The following KIAA1217 variants were observed in gnomAD, a reference collection of about 807,000 sequenced individuals.
The protein encoded by KIAA1217 is sickle tail protein homolog.
A neutral mutation model predicts 163.9 loss-of-function variants in KIAA1217; 88 were observed. The ratio of observed to expected loss-of-function variants is 0.54; its 90% CI spans 0.45 to 0.64. The LOEUF (loss-of-function observed/expected upper bound fraction) is 0.64. Ranked by LOEUF, KIAA1217 falls within the 30% of genes least tolerant of loss-of-function variation. The probability of loss-of-function intolerance (pLI) is 0.00; values close to 1 mark genes in which losing one functional copy is unlikely to be tolerated. For missense variants in KIAA1217, 2,372 were observed against 2,475.0 expected, an observed-to-expected ratio of 0.96 and a Z score of 0.88; for synonymous variants, 903 against 923.1, an observed-to-expected ratio of 0.98 and a Z score of 0.39.
At chr10:24,355,728 C>G (rs1305819487) in intron 2 of KIAA1217, among the ~76,000 whole-genome samples, 2 of 32,170 alleles carry the variant, frequency 6.2e-5, no homozygotes, top group African/African-American at 1.7e-4. Context: ...AGTCCTCACT[C>G]TTTTTTTTTT....
chr10:24,385,405 A>T (rs1347120736), intron 3 of KIAA1217, among the ~76,000 whole-genome samples: 1 of 152,180 alleles, frequency 6.6e-6, no homozygotes, highest in African/African-American at 2.4e-5. Flanking sequence ...CCCGTCTTAG[A>T]CATCACTGGT....
intron 1 of KIAA1217, among the ~76,000 whole-genome samples, chr10:23,915,338 A>G (rs1242102544): frequency 6.6e-6 from 1 of 152,150 alleles, no homozygotes; most frequent in Admixed American, 6.6e-5. Context: ...ACAAGAGTTT[A>G]CCAGTGAGGG....
chr10:23,857,216 C>A (rs1170348640), intron 1 of KIAA1217, among the ~76,000 whole-genome samples: 4 of 152,164 alleles, frequency 2.6e-5, no homozygotes, highest in Non-Finnish European at 5.9e-5. Flanking sequence ...CAAACCATAT[C>A]ACTCCCCATA....
intron 2 of KIAA1217, among the ~76,000 whole-genome samples, chr10:24,048,820 C>T (rs1477716846): frequency 6.6e-6 from 1 of 151,678 alleles, no homozygotes; most frequent in African/African-American, 2.4e-5. Flanking sequence ...ATCACGAGGT[C>T]AGGGGTTCGA....
chr10:23,739,493 C>T (rs909693182), intron 1 of KIAA1217, among the ~76,000 whole-genome samples: 6 of 152,076 alleles, frequency 3.9e-5, no homozygotes, highest in African/African-American at 1.4e-4. Context: ...GTGTATGTTT[C>T]ATAACAAGAG....
At position 24,209,937 on chromosome 10, in the gene KIAA1217, T is replaced by C. The variant is rs370417591; in HGVS notation, c.70+674T>C. ...TCCGTAGGGAATTTCCAGAAGCTTA[T>C]GTTGTTCCAAAGAAATTTCGCACCG... is the stretch of plus-strand genomic sequence containing the variant. On this transcript the variant is annotated intron_variant, in intron 1 of 20. Transcript: ENST00000376454. 2.4e-4 allele frequency among the ~76,000 whole-genome samples: 37 copies of C among 152,310 alleles called. 3 individuals are homozygous for C. In the South Asian group the frequency reaches 2.5e-3, roughly 10 times the overall value.
At chr10:24,224,824 C>CTT (rs1286749568) in intron 2 of KIAA1217, among the ~76,000 whole-genome samples, 64 of 121,010 alleles carry the variant, frequency 5.3e-4, no homozygotes, top group African/African-American at 7.1e-4. Flanking sequence ...AATCATTTGA[C>CTT]TTTTTTTTTT....
chr10:24,127,292 G>A (rs1192111268), intron 2 of KIAA1217, among the ~76,000 whole-genome samples: 1 of 152,090 alleles, frequency 6.6e-6, no homozygotes, highest in Non-Finnish European at 1.5e-5. Flanking sequence ...GCCACAGCCT[G>A]GTGTGTTGAG....
intron 1 of KIAA1217, among the ~76,000 whole-genome samples, chr10:23,843,878 G>C (rs1838901539): frequency 6.6e-6 from 1 of 152,160 alleles, no homozygotes; most frequent in Admixed American, 6.6e-5. Flanking sequence ...GAGGGCTTGA[G>C]GGTCTTAACA....
rs191162639 is a variant in KIAA1217 at position 24,276,905 on chromosome 10, G to A, written c.354+56996G>A. On this transcript the variant is annotated intron_variant, in intron 2 of 20. Transcript: ENST00000376454. The stretch of plus-strand genomic sequence containing the variant: ...TTACAGGCATGAGCCACCACACCCA[G>A]CCAAGTCCAGCTAATTAAAAAAAAA... 4.1e-3 allele frequency among the ~76,000 whole-genome samples: 620 copies of A among 149,628 alleles called. 7 individuals carry two copies. Among genetic ancestry groups the A allele is most frequent in the African/African-American group, 0.014 (594 of 41,144 alleles).
intron 2 of KIAA1217, among the ~76,000 whole-genome samples, chr10:24,142,410 A>C (rs1448304631): frequency 6.6e-6 from 1 of 152,168 alleles, no homozygotes; most frequent in Non-Finnish European, 1.5e-5. Flanking sequence ...GTGCCAAGGC[A>C]GTGTCTTGGT....
In KIAA1217 at chr10:24,089,931, A is replaced by C. The variant is rs982346907; in HGVS notation, c.-171+82557A>C. Reference sequence around the variant, plus strand: ...TACCAATGACTTTCTTCACAGAGTTAGAAAAAACTACTTTAAAGTTCATAT... The same window carrying C: ...TACCAATGACTTTCTTCACAGAGTTCGAAAAAACTACTTTAAAGTTCATAT... On this transcript the variant is annotated intron_variant, in intron 2 of 18. Coordinates refer to the KIAA1217 transcript ENST00000376462. 4.3e-4 allele frequency among the ~76,000 whole-genome samples: 66 copies of C among 151,900 alleles called. 1 individual carries two copies. The highest frequency in any genetic ancestry group is 1.5e-3 in the African/African-American group (62 of 41,194).
At chr10:24,315,827 A>G (rs767014902) in intron 2 of KIAA1217, among the ~76,000 whole-genome samples, 97 of 151,842 alleles carry the variant, frequency 6.4e-4, no homozygotes, top group Admixed American at 1.1e-3. Context: ...CCAGAATGGG[A>G]ATGTATCAGT....
intron 1 of KIAA1217, among the ~76,000 whole-genome samples, chr10:23,805,720 A>C (rs1439975722): frequency 6.6e-6 from 1 of 152,140 alleles, no homozygotes; most frequent in Non-Finnish European, 1.5e-5. Flanking sequence ...ACTAACTATA[A>C]AAGAAAAATA....
At chr10:24,422,755 T>C (rs898205760) in intron 3 of KIAA1217, among the ~76,000 whole-genome samples, 2 of 151,348 alleles carry the variant, frequency 1.3e-5, no homozygotes, top group African/African-American at 4.8e-5. Context: ...CCAATTTGTC[T>C]GAAACAAAAC....
rs146512884 is a variant in KIAA1217 at position 24,513,332 on chromosome 10, C to T, written c.2075C>T (p.Thr692Ile). ...ELEISGKVME[T>I]MKRLEDPVQR... ...GAAATCAGTGGCAAAGTGATGGAAA[C>T]AATGAAGAGACTGGAGGATCCCGTG... Residue 692 changes from threonine (T) to isoleucine (I), a missense_variant, in exon 10 of 21, where the codon ACA (threonine) becomes ATA (isoleucine). Around this residue, in one of 3 missense-constraint regions of KIAA1217, gnomAD observed 1,431 missense variants for 1,470.3 expected, o/e 0.97. Transcript: ENST00000376454. The T allele has an allele frequency of 4.3e-6, 7 of 1,614,158 alleles. No individual in the cohort carries two copies. The African/African-American group carries it at 9.3e-5, about 22-fold the overall frequency.
At chr10:24,178,424 C>T (rs565077073) in intron 2 of KIAA1217, among the ~76,000 whole-genome samples, 9 of 152,288 alleles carry the variant, frequency 5.9e-5, no homozygotes, top group African/African-American at 1.9e-4. Context: ...CATGGTGAAA[C>T]CAGGACATAA....
intron 1 of KIAA1217, among the ~76,000 whole-genome samples, chr10:23,714,638 T>G (rs10508661): frequency 0.18 from 27,572 of 152,108 alleles, 2,644 homozygotes; most frequent in Middle Eastern, 0.26. Flanking sequence ...GACTACAAAG[T>G]TTTTTTCCTG....
Position 23,999,669 on chromosome 10 carries a change from G to A in KIAA1217, c.-320-7556G>A, listed in dbSNP as rs570977106. Among the ~76,000 whole-genome samples the A allele has an allele frequency of 6.1e-4, 93 of 152,260 alleles. 1 individual carries two copies. Among genetic ancestry groups the A allele is most frequent in the African/African-American group, 2.1e-3 (86 of 41,554 alleles). ...ATGGCAGAGAATTTCCCAATAATGC[G>A]AAGGAGTTTTGAATGGTGGACTCTC... On this transcript the variant is annotated intron_variant, in intron 1 of 18. Transcript: ENST00000376462.
Sources: allele counts gnomAD v4.1 joint callset (sites outside exome capture counted in the v4.1 genomes callset), GRCh38; gene constraint gnomAD v4.1.1; regional missense constraint gnomAD v4.1.1; transcripts MANE v1.5; gene names NCBI Gene and HGNC (gene_info 2026-07-23, HGNC 2026-07-21).